The following ROBO1 variants were observed in gnomAD, a reference collection of about 807,000 sequenced individuals.
ROBO1 encodes the protein roundabout homolog 1.
ROBO1 carries 149 observed loss-of-function variants against 195.9 expected under a neutral mutation model. The observed-to-expected ratio is 0.76, with a 90% confidence interval of 0.67 to 0.87. The LOEUF (loss-of-function observed/expected upper bound fraction) is 0.87, where lower values mean the gene tolerates loss of function less well. Among genes scored for constraint, ROBO1 ranks in the 40% least tolerant of loss-of-function variants. The pLI, the probability that ROBO1 is intolerant of heterozygous loss-of-function variation, is 0.00. For synonymous variants in ROBO1, 816 were observed against 733.2 expected (o/e 1.11, Z -1.82); for missense variants, 1,933 against 2,068.3 (o/e 0.93, Z 1.27).
intron 2 of ROBO1, among the ~76,000 whole-genome samples, chr3:79,529,758 T>C (rs1306299582): frequency 6.6e-6 from 1 of 152,186 alleles, no homozygotes; most frequent in Admixed American, 6.5e-5. Context: ...AGGTAAGATA[T>C]ACAGAGGGGA....
intron 3 of ROBO1, among the ~76,000 whole-genome samples, chr3:79,067,968 C>T (rs773474058): frequency 2.6e-5 from 4 of 151,832 alleles, no homozygotes; most frequent in Non-Finnish European, 4.4e-5. Context: ...TGTTTCCTTA[C>T]CTAGTCGGAC....
In ROBO1 at chr3:79,313,211, G is replaced by T. The variant is rs114571952; in HGVS notation, c.89-187672C>A. 3.9e-3 allele frequency among the ~76,000 whole-genome samples: 592 copies of T among 151,226 alleles called. 3 individuals are homozygous for T. The highest frequency in any genetic ancestry group is 0.014 in the African/African-American group (558 of 41,240). On this transcript the variant is annotated intron_variant, in intron 2 of 30. Coordinates refer to ENST00000464233, the MANE Select transcript of ROBO1 (RefSeq NM_002941.4). ...CAAAAAAAAAAAAAAAAATTCTGGT[G>T]TATTTCAAATGTAGTAGTTGAAAAA...
chr3:79,039,524 G>T (rs1373295614), intron 3 of ROBO1, among the ~76,000 whole-genome samples: 1 of 152,082 alleles, frequency 6.6e-6, no homozygotes, highest in Admixed American at 6.5e-5. Flanking sequence ...GTGGCTGAGC[G>T]CTGTGGCTCA....
intron 1 of ROBO1, among the ~76,000 whole-genome samples, chr3:79,749,447 A>C (rs2107467538): frequency 6.6e-6 from 1 of 152,324 alleles, no homozygotes; most frequent in East Asian, 1.9e-4. Flanking sequence ...TTGCATAAAT[A>C]ATGAGGATCC....
chr3:78,960,611 G>A (rs761251065), intron 3 of ROBO1, among the ~76,000 whole-genome samples: 5 of 151,542 alleles, frequency 3.3e-5, no homozygotes, highest in Non-Finnish European at 7.4e-5. Context: ...AAATCCCATC[G>A]CTACTAAAAA....
At chr3:79,558,667 T>C (rs1478209262) in intron 2 of ROBO1, among the ~76,000 whole-genome samples, 2 of 152,186 alleles carry the variant, frequency 1.3e-5, no homozygotes, top group Non-Finnish European at 2.9e-5. Context: ...CTACATTAGG[T>C]ATATTAAACT....
At chr3:79,217,459 A>C (rs757035227) in intron 2 of ROBO1, among the ~76,000 whole-genome samples, 1 of 152,148 alleles carries the variant, frequency 6.6e-6, no homozygotes, top group Non-Finnish European at 1.5e-5. Context: ...ATTCTGCAAC[A>C]GATTATTTGA....
chr3:79,285,590 A>G (rs1385139253), intron 2 of ROBO1, among the ~76,000 whole-genome samples: 3 of 152,198 alleles, frequency 2.0e-5, no homozygotes, highest in Non-Finnish European at 4.4e-5. Flanking sequence ...CTGTGCAACA[A>G]AACAGAAATC....
intron 1 of ROBO1, among the ~76,000 whole-genome samples, chr3:79,592,628 A>G (rs972506193): frequency 6.6e-6 from 1 of 151,936 alleles, no homozygotes; most frequent in Admixed American, 6.6e-5. Flanking sequence ...CTTCCCTGAC[A>G]CTATTCCATT....
intron 1 of ROBO1, among the ~76,000 whole-genome samples, chr3:79,665,356 T>G (rs895174229): frequency 3.3e-5 from 5 of 151,928 alleles, no homozygotes; most frequent in African/African-American, 1.2e-4. Context: ...CTTATTTTCA[T>G]TTGTATAAGT....
intron 2 of ROBO1, among the ~76,000 whole-genome samples, chr3:79,510,015 C>T (rs955263098): frequency 1.3e-5 from 2 of 151,668 alleles, no homozygotes; most frequent in Non-Finnish European, 2.9e-5. Flanking sequence ...AAAAAAAAAC[C>T]AACCATTCAT....
At chr3:79,385,952 G>A (rs1158439513) in intron 2 of ROBO1, among the ~76,000 whole-genome samples, 1 of 152,012 alleles carries the variant, frequency 6.6e-6, no homozygotes, top group Admixed American at 6.5e-5. Context: ...GAAAAACATT[G>A]AACAGGGCCT....
chr3:79,484,755 C>CTTTTTTTTTTTTTTTTTTTTT lies in ROBO1; in HGVS notation c.88+105068_88+105069insAAAAAAAAAAAAAAAAAAAAA, dbSNP rs1158213253. Among the ~76,000 whole-genome samples, 58 of 66,884 alleles carry CTTTTTTTTTTTTTTTTTTTTT rather than the reference C, an allele frequency of 8.7e-4. 14 individuals carry two copies. Among genetic ancestry groups the CTTTTTTTTTTTTTTTTTTTTT allele is most frequent in the Admixed American group, 1.6e-3 (6 of 3,642 alleles). The allele number at this position is 66,884 out of a possible 152,430, so 43.9% of individuals were successfully genotyped here. On this transcript the variant is annotated intron_variant, in intron 2 of 30. Coordinates refer to ENST00000464233, the MANE Select transcript of ROBO1 (RefSeq NM_002941.4). ...TTATACACCACTATCATTGCACTAT[C>CTTTTTTTTTTTTTTTTTTTTT]TTTTTTTTTTTTTTTTTGAGACAGA...
chr3:79,303,386 G>A (rs145993991), intron 2 of ROBO1, among the ~76,000 whole-genome samples: 2,452 of 152,052 alleles, frequency 0.016, 25 homozygotes, highest in Middle Eastern at 0.034. Flanking sequence ...GGCTGCTCTC[G>A]AACTCCTGAC....
intron 4 of ROBO1, among the ~76,000 whole-genome samples, chr3:78,850,668 C>A (rs1026036535): frequency 2.0e-5 from 3 of 152,102 alleles, no homozygotes; most frequent in Non-Finnish European, 4.4e-5. Flanking sequence ...GAGATAACCT[C>A]AAGATAGGAA....
intron 2 of ROBO1, among the ~76,000 whole-genome samples, chr3:79,346,945 T>G (rs922029453): frequency 6.6e-6 from 1 of 152,034 alleles, no homozygotes; most frequent in Non-Finnish European, 1.5e-5. Flanking sequence ...TATGACAATT[T>G]AAATTGTCCA....
chr3:78,896,618 C>T (rs1478258939), intron 4 of ROBO1, among the ~76,000 whole-genome samples: 1 of 147,630 alleles, frequency 6.8e-6, no homozygotes, highest in African/African-American at 2.5e-5. Context: ...TCGGACTCAG[C>T]CCGCCTGCAC....
At chr3:79,445,227 G>T (rs1035146589) in intron 2 of ROBO1, among the ~76,000 whole-genome samples, 3 of 151,080 alleles carry the variant, frequency 2.0e-5, no homozygotes, top group East Asian at 3.9e-4. Context: ...ACATATTTGC[G>T]TACATCATAT....
chr3:79,716,195 A>T (rs929650693), intron 1 of ROBO1, among the ~76,000 whole-genome samples: 1 of 152,002 alleles, frequency 6.6e-6, no homozygotes, highest in East Asian at 1.9e-4. Flanking sequence ...ATTTGTCATG[A>T]GTGCTAAGAT....
Sources: allele counts gnomAD v4.1 joint callset (sites outside exome capture counted in the v4.1 genomes callset), GRCh38; gene constraint gnomAD v4.1.1; transcripts MANE v1.5; gene names NCBI Gene and HGNC (gene_info 2026-07-23, HGNC 2026-07-21).